Variants in DENND4C observed in about 807,000 individuals in gnomAD.
The protein encoded by DENND4C is DENN domain-containing protein 4C.
A neutral mutation model predicts 203.0 loss-of-function variants in DENND4C; 108 were observed. The ratio of observed to expected loss-of-function variants is 0.53; its 90% confidence interval spans 0.46 to 0.62. DENND4C has a LOEUF of 0.62. Ranked by LOEUF, DENND4C falls within the 20% of genes least tolerant of loss-of-function variation. DENND4C has a pLI of 0.00. For missense variants in DENND4C, 2,481 were observed against 2,301.2 expected (o/e 1.08, Z -1.60); for synonymous variants, 871 against 792.4 (o/e 1.10, Z -1.67).
intron 1 of DENND4C, among the ~76,000 whole-genome samples, chr9:19,253,594 T>A (rs1827193275): frequency 6.6e-6 from 1 of 152,232 alleles, no homozygotes; most frequent in Non-Finnish European, 1.5e-5. Flanking sequence ...GTACTTTCTT[T>A]GTGGTTTAAC....
At chr9:19,336,211 G>A (rs933192145) in intron 18 of DENND4C, 59 bp from the exon 19 acceptor site, 20 of 1,508,114 alleles carry the variant, frequency 1.3e-5, no homozygotes, top group African/African-American at 5.6e-5. Flanking sequence ...ATATATGTAT[G>A]TATTTTTAAA....
chr9:19,336,235 A>C (rs1774911076), intron 18 of DENND4C, 35 bp from the exon 19 acceptor site: 2 of 1,594,688 alleles, frequency 1.3e-6, no homozygotes, highest in Non-Finnish European at 1.7e-6. Flanking sequence ...AGATATTGCT[A>C]ATGAACATTA....
At chr9:19,292,183 C>T (rs1836475363) in intron 5 of DENND4C, 1 of 150,248 alleles carries the variant, frequency 6.7e-6, no homozygotes, top group Non-Finnish European at 1.5e-5. Flanking sequence ...GTCACCACGC[C>T]CAGCTAATTT....
intron 1 of DENND4C, among the ~76,000 whole-genome samples, chr9:19,263,869 A>T (rs1213107371): frequency 6.6e-6 from 1 of 152,020 alleles, no homozygotes; most frequent in Non-Finnish European, 1.5e-5. Flanking sequence ...CATGTTGGCC[A>T]GGCTGGTCTC....
chr9:19,245,206 C>T (rs142540160), intron 1 of DENND4C, among the ~76,000 whole-genome samples: 2,129 of 152,108 alleles, frequency 0.014, 23 homozygotes, highest in Middle Eastern at 0.041. Context: ...CGGTGGCTCA[C>T]GCCTGTAATC....
chr9:19,359,624 G>C (rs1490089074), intron 28 of DENND4C, among the ~76,000 whole-genome samples: 1 of 151,772 alleles, frequency 6.6e-6, no homozygotes, highest in Non-Finnish European at 1.5e-5. Flanking sequence ...GGTCCCTTTA[G>C]AGGGAAATGG....
At chr9:19,331,853 A>T in intron 16 of DENND4C, 125 bp from the exon 17 acceptor site, 1 of 836,914 alleles carries the variant, frequency 1.2e-6, no homozygotes, top group Non-Finnish European at 1.8e-6. Flanking sequence ...ACAAAAGTCA[A>T]CTTTGAAGTG....
At chr9:19,301,810 G>A (rs1393232052) in intron 9 of DENND4C, among the ~76,000 whole-genome samples, 5 of 152,130 alleles carry the variant, frequency 3.3e-5, no homozygotes, top group African/African-American at 9.7e-5. Flanking sequence ...GGTGGTGCAC[G>A]CCTGTAGTCC....
intron 30 of DENND4C, 65 bp downstream of exon 30, chr9:19,362,028 C>T (rs998249351): frequency 6.6e-5 from 66 of 997,604 alleles, no homozygotes; most frequent in Non-Finnish European, 9.9e-5. Context: ...AATGCCAGCA[C>T]TTTGGGAGGC....
chr9:19,284,936 T>C (rs181453335), intron 2 of DENND4C, among the ~76,000 whole-genome samples: 6 of 152,278 alleles, frequency 3.9e-5, no homozygotes, highest in Non-Finnish European at 7.4e-5. Context: ...TGGTACTGGA[T>C]TTTGAGTCAT....
At position 19,352,557 on chromosome 9, in the gene DENND4C, C is replaced by CTG; in HGVS notation, c.4674_4675dup (p.Gly1559ValfsTer10). ...TTAGTTTATGATGAAGAAATTATGGCTGGATGGACAGCAGATGACTCAAAT... is the reference window on the plus strand; with the variant it reads ...TTAGTTTATGATGAAGAAATTATGGCTGTGGATGGACAGCAGATGACTCAAAT... On this transcript the variant is annotated frameshift_variant, in exon 26 of 33. Coordinates refer to ENST00000434457, the MANE Select transcript of DENND4C (RefSeq NM_001330640.2). LOFTEE classifies it high-confidence loss of function. The CTG allele has an allele frequency of 6.2e-7, 1 of 1,613,752 alleles. No individual in the cohort carries two copies. Among genetic ancestry groups the CTG allele is most frequent in the Non-Finnish European group, 8.5e-7 (1 of 1,179,798 alleles).
intron 12 of DENND4C, among the ~76,000 whole-genome samples, chr9:19,321,892 T>C (rs1842947851): frequency 6.7e-6 from 1 of 149,572 alleles, no homozygotes; most frequent in South Asian, 2.1e-4. Context: ...CTGAGAACAC[T>C]GGAAGGGGCT....
intron 1 of DENND4C, among the ~76,000 whole-genome samples, chr9:19,263,167 T>C (rs1202694233): frequency 6.6e-6 from 1 of 152,216 alleles, no homozygotes; most frequent in East Asian, 1.9e-4. Flanking sequence ...TTTTATCAAA[T>C]GCTTTTTCAA....
At chr9:19,350,994 C>A (rs1588970694) in intron 24 of DENND4C, 115 bp downstream of exon 24, 15 of 1,028,232 alleles carry the variant, frequency 1.5e-5, no homozygotes, top group South Asian at 8.1e-5. Flanking sequence ...AACTCCTGGG[C>A]TCAAGCAATC....
chr9:19,352,301 G>C, intron 25 of DENND4C, 119 bp downstream of exon 25: 2 of 1,095,214 alleles, frequency 1.8e-6, no homozygotes, highest in Non-Finnish European at 2.6e-6. Context: ...AAGTCATTTT[G>C]TTGAATTTGC....
rs1023362817 is a variant in DENND4C at position 19,267,321 on chromosome 9, C to T, written c.-17-8837C>T. Among the ~76,000 whole-genome samples the T allele has an allele frequency of 1.4e-4, 22 of 152,234 alleles. 2 individuals are homozygous for T. Among genetic ancestry groups the T allele is most frequent in the Admixed American group, 4.6e-4 (7 of 15,286 alleles). On this transcript the variant is annotated intron_variant, in intron 1 of 32. Transcript: ENST00000434457. ...GGTGCATGTGTATTTATAAATGTTACATCCTCTTGCTGAATTGACACCCTT... is the reference window on the plus strand; with the variant it reads ...GGTGCATGTGTATTTATAAATGTTATATCCTCTTGCTGAATTGACACCCTT...
intron 1 of DENND4C, among the ~76,000 whole-genome samples, chr9:19,239,832 A>G (rs569347727): frequency 6.6e-6 from 1 of 152,276 alleles, no homozygotes; most frequent in Admixed American, 6.5e-5. Context: ...ACGGTCCAGC[A>G]TATGGTTTAT....
Position 19,346,568 on chromosome 9 carries a change from G to A in DENND4C, c.3799G>A (p.Asp1267Asn), listed in dbSNP as rs1255997961. ...TGAATGTACAGGAGGAAAAACTCCTGATTCTGAAGATAAGTTGTTTTCTCC... is the reference window on the plus strand; with the variant it reads ...TGAATGTACAGGAGGAAAAACTCCTAATTCTGAAGATAAGTTGTTTTCTCC... Reference protein sequence around the residue: ...ATECTGGKTPDSEDKLFSPVI... With the variant: ...ATECTGGKTPNSEDKLFSPVI... The change falls in exon 23 of 33, where the codon GAT becomes AAT. Residue 1267 changes from aspartate to asparagine, a missense_variant. Asp to Asn is a conservative substitution (Grantham distance 23). Around this residue, in one of 3 missense-constraint regions of DENND4C, gnomAD observed 2,289 missense variants for 2,113.3 expected, o/e 1.08. Coordinates refer to ENST00000434457, the MANE Select transcript of DENND4C (RefSeq NM_001330640.2). 1 of 1,614,010 alleles carries A rather than the reference G, an allele frequency of 6.2e-7. No individual in the cohort carries two copies. The highest frequency in any genetic ancestry group is 8.5e-7 in the Non-Finnish European group (1 of 1,180,036).
At chr9:19,328,653 GTCTGTCTATCTATCTATCTATCTATCTA>G (rs1471030499) in intron 16 of DENND4C, among the ~76,000 whole-genome samples, 2 of 84,414 alleles carry the variant, frequency 2.4e-5, no homozygotes, top group African/African-American at 4.0e-5. Flanking sequence ...CTGTCTGTCT[GTCTGTCTATCTATCTATCTATCTATCTA>G]TCTATCTATC....
Sources: gnomAD v4.1 joint callset for allele counts (sites outside exome capture counted in the v4.1 genomes callset) on GRCh38, gnomAD v4.1.1 for gene constraint, gnomAD v4.1.1 regional missense constraint, MANE v1.5 for transcripts, NCBI Gene and HGNC (gene_info 2026-07-23, HGNC 2026-07-21) for gene names.